Variants in UGT2B28 observed in about 807,000 individuals in gnomAD.
UGT2B28 encodes UDP glucuronosyltransferase family 2 member B28, also known as UDP-glucuronosyltransferase 2B28.
In UGT2B28, 45 loss-of-function variants were observed where a neutral mutation model predicts 43.6. The ratio of observed to expected loss-of-function variants is 1.03; its 90% CI spans 0.81 to 1.32. The LOEUF (loss-of-function observed/expected upper bound fraction) is 1.32. Among genes scored for constraint, UGT2B28 ranks in the 40% most tolerant of loss-of-function variants. The probability of loss-of-function intolerance (pLI) is 0.00; values close to 1 mark genes in which losing one functional copy is unlikely to be tolerated. For missense variants in UGT2B28, 649 were observed against 625.5 expected, an observed-to-expected ratio of 1.04 and a Z score of -0.40; for synonymous variants, 204 against 208.1, an observed-to-expected ratio of 0.98 and a Z score of 0.17.
chr4:69,288,040 C>T (rs765215009), intron 3 of UGT2B28, among the ~76,000 whole-genome samples: 9 of 139,440 alleles, frequency 6.5e-5, no homozygotes, highest in Non-Finnish European at 1.1e-4. Flanking sequence ...CTTTGTAGCA[C>T]GTTGTCTAAG....
At chr4:69,289,516 A>G in intron 3 of UGT2B28, 149 bp from the exon 4 acceptor site, 2 of 705,990 alleles carry the variant, frequency 2.8e-6, no homozygotes, top group East Asian at 3.4e-5. Flanking sequence ...AGTTAAGAAA[A>G]TAAAATGTGA....
Position 69,280,983 on chromosome 4 carries a change from T to C in UGT2B28, c.483T>C (p.Ala161=). The C allele has an allele frequency of 6.4e-7, 1 of 1,560,328 alleles. No individual in the cohort carries two copies. Among genetic ancestry groups the C allele is most frequent in the African/African-American group, 1.5e-5 (1 of 66,182 alleles). The stretch of plus-strand genomic sequence containing the variant: ...TTTTTCCTTGTGGTGAGCTGCTGGC[T>C]GCGCTACTTAACATACCGTTTGTGT... ...DAFFPCGELL[A]ALLNIPFVYS... The change falls in exon 1 of 6, where the codon GCT becomes GCC. Residue 161 remains alanine (A), a synonymous_variant. Coordinates refer to ENST00000335568, the MANE Select transcript of UGT2B28 (RefSeq NM_053039.2).
At chr4:69,289,479 T>C (rs559568183) in intron 3 of UGT2B28, among the ~76,000 whole-genome samples, 186 bp from the exon 4 acceptor site, 1 of 141,356 alleles carries the variant, frequency 7.1e-6, no homozygotes, top group South Asian at 2.3e-4. Context: ...AAAATAATGG[T>C]TTCTTATATA....
chr4:69,287,574 A>G (rs1170342252), intron 3 of UGT2B28, among the ~76,000 whole-genome samples: 2 of 140,568 alleles, frequency 1.4e-5, no homozygotes, highest in Non-Finnish European at 3.0e-5. Context: ...AAGAGAAAGG[A>G]TGGAGATGGA....
At chr4:69,288,829 G>A (rs1362326277) in intron 3 of UGT2B28, among the ~76,000 whole-genome samples, 3 of 140,288 alleles carry the variant, frequency 2.1e-5, no homozygotes, top group Non-Finnish European at 4.6e-5. Flanking sequence ...CCACTCAAAA[G>A]TGAGGACATG....
At chr4:69,291,841 C>T (rs1389688942) in intron 5 of UGT2B28, among the ~76,000 whole-genome samples, 1 of 140,390 alleles carries the variant, frequency 7.1e-6, no homozygotes. Context: ...ATCAGCAGTA[C>T]AATATGGTTC....
At position 69,284,956 on chromosome 4, in the gene UGT2B28, T is replaced by C. The variant is rs1314227290; in HGVS notation, c.871-1796T>C. 2.9e-5 allele frequency among the ~76,000 whole-genome samples: 4 copies of C among 140,334 alleles called. 1 individual carries two copies. The highest frequency in any genetic ancestry group is 2.4e-4 in the South Asian group (1 of 4,218). The allele number at this position is 140,334 out of a possible 152,430, so 92.1% of individuals were successfully genotyped here. ...ATCAAGTTGTACCTATTAAACATTA[T>C]GGAAAATATTCACAAAATTAACATT... On this transcript the variant is annotated intron_variant, in intron 2 of 5. Transcript: ENST00000335568.
intron 3 of UGT2B28, among the ~76,000 whole-genome samples, chr4:69,287,591 C>T (rs1238057182): frequency 7.1e-6 from 1 of 139,884 alleles, no homozygotes; most frequent in Non-Finnish European, 1.5e-5. Flanking sequence ...TGGATCCTGA[C>T]CTGAAGGTGG....
At position 69,285,523 on chromosome 4, in the gene UGT2B28, A is replaced by G. The variant is rs1185537083; in HGVS notation, c.871-1229A>G. Among the ~76,000 whole-genome samples, 29 of 133,198 alleles carry G rather than the reference A, an allele frequency of 2.2e-4. 6 individuals are homozygous for G. Among genetic ancestry groups the G allele is most frequent in the African/African-American group, 7.5e-4 (26 of 34,596 alleles). The allele number at this position is 133,198 out of a possible 152,430, so 87.4% of individuals were successfully genotyped here. A position where few individuals can be genotyped will look rare whatever the true frequency, so the allele number is the denominator to read the frequency against. On this transcript the variant is annotated intron_variant, in intron 2 of 5. Coordinates refer to ENST00000335568, the MANE Select transcript of UGT2B28 (RefSeq NM_053039.2). ...TGGTTACAGGTAACTGCAATCACAC[A>G]CAACACCTAGAAGCCCCAGGTATTA...
Position 69,280,922 on chromosome 4 carries a change from A to C in UGT2B28, c.422A>C (p.Gln141Pro), listed in dbSNP as rs1460195448. 2 of 1,560,144 alleles carry C rather than the reference A, an allele frequency of 1.3e-6. No individual in the cohort carries two copies. The highest frequency in any genetic ancestry group is 2.4e-5 in the South Asian group (2 of 84,190). Residue 141 changes from glutamine to proline, a missense_variant, in exon 1 of 6, where the codon CAA becomes CCA. Physicochemically the swap from Gln to Pro is moderately conservative, Grantham distance 76. Coordinates refer to ENST00000335568, the MANE Select transcript of UGT2B28 (RefSeq NM_053039.2). Reference protein sequence around the residue: ...VSNKKVMKKLQESRFDIIFAD... With the variant: ...VSNKKVMKKLPESRFDIIFAD... ...AATAAGAAAGTTATGAAAAAACTAC[A>C]AGAGTCAAGATTTGACATCATTTTT...
chr4:69,285,460 C>T (rs1261690699), intron 2 of UGT2B28, among the ~76,000 whole-genome samples: 3 of 139,038 alleles, frequency 2.2e-5, no homozygotes, highest in Non-Finnish European at 4.6e-5. Flanking sequence ...GATATCAAGC[C>T]AGTGAGATGA....
In UGT2B28 at chr4:69,285,630, C is replaced by A. The variant is rs1424530586; in HGVS notation, c.871-1122C>A. Among the ~76,000 whole-genome samples, 14 of 141,366 alleles carry A rather than the reference C, an allele frequency of 9.9e-5. 4 individuals are homozygous for A. The highest frequency in any genetic ancestry group is 3.9e-4 in the African/African-American group (14 of 36,306). The allele number at this position is 141,366 out of a possible 152,430, so 92.7% of individuals were successfully genotyped here. ...AAAAAACGCTCTGCCATACGTGGTG[C>A]ACTGTTCACATTTAGACATTTTTTT... is the stretch of plus-strand genomic sequence containing the variant. On this transcript the variant is annotated intron_variant, in intron 2 of 5. Coordinates refer to ENST00000335568, the MANE Select transcript of UGT2B28 (RefSeq NM_053039.2).
chr4:69,280,532 T>C lies in UGT2B28; in HGVS notation c.32T>C (p.Leu11Pro), dbSNP rs778088856. Reference protein sequence around the residue: MALKWTSVLLLIHLGCYFSSG... With the variant: MALKWTSVLLPIHLGCYFSSG... ...CTGAAGTGGACTTCAGTTCTTCTGC[T>C]GATACATCTCGGTTGTTACTTTAGC... Residue 11 changes from leucine (L) to proline (P), a missense_variant, in exon 1 of 6, where the codon CTG becomes CCG. Physicochemically the swap from Leu to Pro is moderately conservative, Grantham distance 98. Transcript: ENST00000335568. 6.4e-7 allele frequency: 1 copy of C among 1,558,452 alleles called. No individual in the cohort carries two copies. The highest frequency in any genetic ancestry group is 8.7e-7 in the Non-Finnish European group (1 of 1,155,046).
chr4:69,294,648 C>T lies in UGT2B28; in HGVS notation c.1429C>T (p.Arg477Ter), dbSNP rs765142835. The change falls in exon 6 of 6, where the codon CGA becomes TGA. Residue 477 changes from arginine to a stop codon, truncating the protein, a stop_gained. Coordinates refer to ENST00000335568, the MANE Select transcript of UGT2B28 (RefSeq NM_053039.2). LOFTEE classifies it low-confidence loss of function (END_TRUNC). ...GTGCCACAAAGGAGCCAAACACCTT[C>T]GAGTTGCAGCCCGTGACCTCACCTG... ...VMCHKGAKHL[R>*]VAARDLTWFQ... is the part of the protein sequence containing the mutation. 9 of 1,559,670 alleles carry T rather than the reference C, an allele frequency of 5.8e-6. No individual in the cohort carries two copies. The highest frequency in any genetic ancestry group is 4.6e-5 in the East Asian group (2 of 43,534).
Position 69,280,983 on chromosome 4 carries a change from T to G in UGT2B28, c.483T>G (p.Ala161=), listed in dbSNP as rs1723586959. The change falls in exon 1 of 6, where the codon GCT becomes GCG. Residue 161 remains alanine (A), a synonymous_variant. Coordinates refer to ENST00000335568, the MANE Select transcript of UGT2B28 (RefSeq NM_053039.2). ...DAFFPCGELL[A]ALLNIPFVYS... ...TTTTTCCTTGTGGTGAGCTGCTGGC[T>G]GCGCTACTTAACATACCGTTTGTGT... 2.6e-6 allele frequency: 4 copies of G among 1,560,328 alleles called. 1 individual carries two copies. In the East Asian group the frequency reaches 9.2e-5, roughly 36 times the overall value.
chr4:69,284,206 A>G (rs1723703837), intron 2 of UGT2B28, among the ~76,000 whole-genome samples: 1 of 140,382 alleles, frequency 7.1e-6, no homozygotes, highest in Non-Finnish European at 1.5e-5. Context: ...CATGTATAAT[A>G]AAGAACAAAT....
At chr4:69,290,381 T>C (rs1281571317) in intron 4 of UGT2B28, among the ~76,000 whole-genome samples, 1 of 140,246 alleles carries the variant, frequency 7.1e-6, no homozygotes, top group Admixed American at 7.2e-5. Context: ...CTGAAAATCT[T>C]GTATTCAGTT....
intron 1 of UGT2B28, among the ~76,000 whole-genome samples, chr4:69,281,494 C>T (rs947058073): frequency 7.1e-6 from 1 of 140,784 alleles, no homozygotes; most frequent in African/African-American, 2.8e-5. Flanking sequence ...AATTACACAT[C>T]TGTTTTACTA....
intron 2 of UGT2B28, among the ~76,000 whole-genome samples, chr4:69,284,362 A>G (rs1273296847): frequency 7.1e-6 from 1 of 140,976 alleles, no homozygotes; most frequent in Non-Finnish European, 1.5e-5. Flanking sequence ...ATATGTACAA[A>G]GTAAGCCTTC....
Sources: gnomAD v4.1 joint callset for allele counts (sites outside exome capture counted in the v4.1 genomes callset) on GRCh38, gnomAD v4.1.1 for gene constraint, MANE v1.5 for transcripts, NCBI Gene and HGNC (gene_info 2026-07-23, HGNC 2026-07-21) for gene names.